PCDH9: variants seen among roughly 807,000 people sequenced by gnomAD.
PCDH9 encodes protocadherin-9.
A neutral mutation model predicts 70.6 loss-of-function variants in PCDH9; 24 were observed. The ratio of observed to expected loss-of-function variants is 0.34; its 90% CI spans 0.25 to 0.48. PCDH9 has a LOEUF of 0.48. PCDH9 is among the 20% of genes least tolerant of loss of function. PCDH9 has a pLI of 0.99. For missense variants in PCDH9, 1,281 were observed against 1,503.6 expected (o/e 0.85, Z 2.45); for synonymous variants, 562 against 558.5 (o/e 1.01, Z -0.09).
At chr13:66,443,601 C>T (rs1566329133) in intron 4 of PCDH9, among the ~76,000 whole-genome samples, 1 of 151,850 alleles carries the variant, frequency 6.6e-6, no homozygotes, top group African/African-American at 2.4e-5. Context: ...TAAGCTAAAA[C>T]TTTGGGAAAC....
intron 4 of PCDH9, among the ~76,000 whole-genome samples, chr13:66,324,534 A>G (rs1207070313): frequency 2.0e-5 from 3 of 152,040 alleles, no homozygotes; most frequent in Non-Finnish European, 4.4e-5. Context: ...TTAATTTTAG[A>G]TGAATAATGG....
intron 2 of PCDH9, among the ~76,000 whole-genome samples, chr13:67,120,339 C>A (rs2086853513): frequency 6.6e-6 from 1 of 152,026 alleles, no homozygotes; most frequent in Admixed American, 6.6e-5. Flanking sequence ...GTGCCGGCCA[C>A]CTCTGTGGAT....
intron 3 of PCDH9, among the ~76,000 whole-genome samples, chr13:66,641,826 A>G (rs746131747): frequency 2.6e-5 from 4 of 152,224 alleles, no homozygotes; most frequent in Non-Finnish European, 4.4e-5. Context: ...AAATAAAAAA[A>G]GAAAGTTACA....
intron 4 of PCDH9, among the ~76,000 whole-genome samples, chr13:66,595,977 T>C (rs1331235676): frequency 1.3e-5 from 2 of 151,698 alleles, no homozygotes; most frequent in Non-Finnish European, 3.0e-5. Context: ...GTATATGAAA[T>C]GCACAAGGTC....
intron 3 of PCDH9, among the ~76,000 whole-genome samples, chr13:66,733,499 G>A (rs2079103269): frequency 6.6e-6 from 1 of 152,082 alleles, no homozygotes; most frequent in Non-Finnish European, 1.5e-5. Flanking sequence ...AGTTTGGCAG[G>A]TATAAGCTGT....
At chr13:66,725,551 T>C (rs1029392960) in intron 3 of PCDH9, among the ~76,000 whole-genome samples, 7 of 152,228 alleles carry the variant, frequency 4.6e-5, no homozygotes, top group African/African-American at 1.7e-4. Flanking sequence ...CTGTGATAGG[T>C]ACTTTTCAAT....
intron 2 of PCDH9, among the ~76,000 whole-genome samples, chr13:66,974,925 GT>G (rs1333866948): frequency 6.6e-6 from 1 of 151,970 alleles, no homozygotes; most frequent in Non-Finnish European, 1.5e-5. Context: ...AAATAAGACA[GT>G]TTTAACCACA....
intron 4 of PCDH9, among the ~76,000 whole-genome samples, chr13:66,587,421 T>G (rs1457006599): frequency 6.6e-6 from 1 of 152,078 alleles, no homozygotes; most frequent in Non-Finnish European, 1.5e-5. Context: ...GATCTCATCT[T>G]CATTAGCTAC....
Position 67,228,410 on chromosome 13 carries a change from C to A in PCDH9, c.31G>T (p.Ala11Ser). Residue 11 changes from alanine to serine, a missense_variant, in exon 2 of 5, where the codon GCT becomes TCT. By Grantham distance (99) the Ala-to-Ser change is moderately conservative. This residue lies in a region of PCDH9 where 798 missense variants were observed against 1,003.1 expected (regional missense o/e 0.80). Transcript: ENST00000377865. MDLRDFYLLAALIACLRLDSA... is the reference protein window; with the variant it reads MDLRDFYLLASLIACLRLDSA... Reference sequence around the variant, plus strand: ...TCCAGCCTTAAACAGGCAATCAGAGCAGCCAACAGGTAAAAATCCCTCAGG... The same window carrying A: ...TCCAGCCTTAAACAGGCAATCAGAGAAGCCAACAGGTAAAAATCCCTCAGG... 1 of 1,596,534 alleles carries A rather than the reference C, an allele frequency of 6.3e-7. No homozygotes were observed. Among genetic ancestry groups the A allele is most frequent in the South Asian group, 1.1e-5 (1 of 87,966 alleles).
chr13:67,169,781 A>C (rs2088226201), intron 2 of PCDH9, among the ~76,000 whole-genome samples: 1 of 152,228 alleles, frequency 6.6e-6, no homozygotes, highest in South Asian at 2.1e-4. Context: ...AGATCTTAAG[A>C]AAGTAAATTA....
At chr13:66,422,496 G>A (rs1957585752) in intron 4 of PCDH9, among the ~76,000 whole-genome samples, 1 of 152,180 alleles carries the variant, frequency 6.6e-6, no homozygotes, top group African/African-American at 2.4e-5. Flanking sequence ...TCAGGATTAA[G>A]AAACTCATTA....
chr13:66,681,825 G>T (rs1157089512), intron 3 of PCDH9, among the ~76,000 whole-genome samples: 1 of 151,744 alleles, frequency 6.6e-6, no homozygotes, highest in Non-Finnish European at 1.5e-5. Flanking sequence ...CACATTTACT[G>T]TTCTATTCCA....
intron 3 of PCDH9, among the ~76,000 whole-genome samples, chr13:66,680,754 C>T (rs1038503375): frequency 2.0e-5 from 3 of 151,718 alleles, no homozygotes; most frequent in African/African-American, 7.3e-5. Flanking sequence ...CTTCCCCAAG[C>T]GCAAACTCAA....
intron 2 of PCDH9, among the ~76,000 whole-genome samples, chr13:67,016,019 T>TA (rs1367651947): frequency 6.6e-6 from 1 of 152,204 alleles, no homozygotes; most frequent in African/African-American, 2.4e-5. Flanking sequence ...TTTCAGCAAT[T>TA]AAAATCATTC....
intron 2 of PCDH9, among the ~76,000 whole-genome samples, chr13:67,156,318 T>G (rs1004735454): frequency 6.6e-6 from 1 of 152,022 alleles, no homozygotes; most frequent in African/African-American, 2.4e-5. Flanking sequence ...GGATGTCAAA[T>G]GCAGCATATC....
chr13:66,883,365 A>ACG (rs1566264936), intron 3 of PCDH9, among the ~76,000 whole-genome samples: 1 of 151,420 alleles, frequency 6.6e-6, no homozygotes, highest in Non-Finnish European at 1.5e-5. Context: ...ATCAGCACTA[A>ACG]TGTGTGTGTG....
chr13:66,537,218 T>A (rs887244522), intron 4 of PCDH9, among the ~76,000 whole-genome samples: 1 of 152,092 alleles, frequency 6.6e-6, no homozygotes, highest in African/African-American at 2.4e-5. Context: ...CACCCCTGAG[T>A]CTTCAGGGCT....
chr13:66,509,389 A>G (rs879651352), intron 4 of PCDH9, among the ~76,000 whole-genome samples: 3 of 152,150 alleles, frequency 2.0e-5, no homozygotes, highest in Admixed American at 1.3e-4. Flanking sequence ...CTAACTTCTT[A>G]GATGGGTGGC....
At chr13:66,382,318 C>T (rs1956862735) in intron 4 of PCDH9, among the ~76,000 whole-genome samples, 1 of 151,840 alleles carries the variant, frequency 6.6e-6, no homozygotes, top group African/African-American at 2.4e-5. Context: ...CCACCTAGCC[C>T]ATGGGTAAGG....
Sources: gnomAD v4.1 joint callset for allele counts (sites outside exome capture counted in the v4.1 genomes callset) on GRCh38, gnomAD v4.1.1 for gene constraint, gnomAD v4.1.1 regional missense constraint, MANE v1.5 for transcripts, NCBI Gene and HGNC (gene_info 2026-07-23, HGNC 2026-07-21) for gene names.